MRRF: variants seen among roughly 807,000 people sequenced by gnomAD.
MRRF encodes the protein ribosome-recycling factor, mitochondrial.
A neutral mutation model predicts 25.1 loss-of-function variants in MRRF; 18 were observed. The observed-to-expected ratio is 0.72, with a 90% CI of 0.50 to 1.06. The LOEUF is 1.06. Among genes scored for constraint, MRRF ranks in the 50% least tolerant of loss-of-function variants. The pLI is 0.00. For missense variants in MRRF, 323 were observed against 319.3 expected (o/e 1.01, Z -0.09); for synonymous variants, 113 against 112.1 (o/e 1.01, Z -0.05).
rs1836209474 is a variant in MRRF at position 122,328,806 on chromosome 9, A to G, written c.*6189A>G. The stretch of plus-strand genomic sequence containing the variant: ...GACGAAGTTCAGTTTTTGTGGAATA[A>G]ACAAATAAGTGATTATCTCTGTCTG... On this transcript the variant is annotated 3_prime_UTR_variant, in exon 7 of 7. Transcript: ENST00000344641. 6.6e-6 allele frequency: 1 copy of G among 152,088 alleles called. No individual in the cohort carries two copies. Among genetic ancestry groups the G allele is most frequent in the Non-Finnish European group, 1.5e-5 (1 of 68,018 alleles). 9.4% of individuals were successfully genotyped at this position (152,088 alleles called of 1,614,324 possible). A position where few individuals can be genotyped will look rare whatever the true frequency, so the allele number is the denominator to read the frequency against.
intron 4 of MRRF, among the ~76,000 whole-genome samples, chr9:122,288,576 C>T (rs370720273): frequency 1.3e-5 from 2 of 152,208 alleles, no homozygotes; most frequent in African/African-American, 4.8e-5. Context: ...TGAGTCCTTG[C>T]AAGTGATTAG....
At chr9:122,286,745 A>G (rs1833434776) in intron 4 of MRRF, among the ~76,000 whole-genome samples, 1 of 152,172 alleles carries the variant, frequency 6.6e-6, no homozygotes, top group East Asian at 1.9e-4. Context: ...ATATATGTAT[A>G]AAAGATTTTG....
At chr9:122,303,954 G>A (rs1207834063) in intron 5 of MRRF, among the ~76,000 whole-genome samples, 1 of 151,840 alleles carries the variant, frequency 6.6e-6, no homozygotes, top group African/African-American at 2.4e-5. Context: ...TCTATAGTTT[G>A]TACATTCCAG....
At chr9:122,297,692 C>T (rs982094160) in intron 5 of MRRF, among the ~76,000 whole-genome samples, 7 of 152,176 alleles carry the variant, frequency 4.6e-5, no homozygotes, top group South Asian at 2.1e-4. Flanking sequence ...GCATGGGGAC[C>T]GTAATTGGGA....
rs1836182704 is a variant in MRRF, at chr9:122,327,887, G to T, written c.*5270G>T. 6.8e-6 allele frequency: 1 copy of T among 147,228 alleles called. No homozygotes were observed. Among genetic ancestry groups the T allele is most frequent in the African/African-American group, 2.5e-5 (1 of 40,144 alleles). The allele number at this position is 147,228 out of a possible 1,614,324, so 9.1% of individuals were successfully genotyped here. A position where few individuals can be genotyped will look rare whatever the true frequency, so the allele number is the denominator to read the frequency against. On this transcript the variant is annotated 3_prime_UTR_variant, in exon 7 of 7. Transcript: ENST00000344641. ...GGTGTTTCTTTTTTTTTTTGGAATT[G>T]GGTTTTGTTCGATGAACCATTCTGA... is the stretch of plus-strand genomic sequence containing the variant.
At chr9:122,286,306 C>A in intron 4 of MRRF, 1 of 829,532 alleles carries the variant, frequency 1.2e-6, no homozygotes, top group Non-Finnish European at 1.6e-6. Context: ...CACACTGTTT[C>A]AAATCAAAGG....
chr9:122,327,276 CAG>C lies in MRRF; in HGVS notation c.*4660_*4661del. 1 of 152,286 alleles carries C rather than the reference CAG, an allele frequency of 6.6e-6. No homozygotes were observed. Among genetic ancestry groups the C allele is most frequent in the South Asian group, 2.1e-4 (1 of 4,824 alleles). 9.4% of individuals were successfully genotyped at this position (152,286 alleles called of 1,614,324 possible). On this transcript the variant is annotated 3_prime_UTR_variant, in exon 7 of 7. Transcript: ENST00000344641. The stretch of plus-strand genomic sequence containing the variant: ...ATAATGATAATAATAACAACAATAA[CAG>C]TATTGACAGATCAGTAACTAATATT...
intron 5 of MRRF, among the ~76,000 whole-genome samples, chr9:122,296,242 G>A (rs547077728): frequency 6.6e-6 from 1 of 152,244 alleles, no homozygotes; most frequent in Admixed American, 6.5e-5. Context: ...GCTTTTGTTT[G>A]CTTCTCTGGC....
chr9:122,275,888 A>C (rs537256967), intron 2 of MRRF, among the ~76,000 whole-genome samples: 1 of 151,902 alleles, frequency 6.6e-6, no homozygotes, highest in Non-Finnish European at 1.5e-5. Context: ...ATTGTGCATA[A>C]TACTTTCTTC....
At chr9:122,304,076 C>CAA (rs1286348925) in intron 5 of MRRF, among the ~76,000 whole-genome samples, 5 of 151,696 alleles carry the variant, frequency 3.3e-5, no homozygotes, top group African/African-American at 1.2e-4. Context: ...CACACACACA[C>CAA]ACACACACAC....
At position 122,265,772 on chromosome 9, in the gene MRRF, A is replaced by G. The variant is rs1252645022; in HGVS notation, c.-29+834A>G. 3.9e-6 allele frequency: 5 copies of G among 1,288,530 alleles called. No homozygotes were observed. In the East Asian group the frequency reaches 2.8e-4, roughly 71 times the overall value. 79.8% of individuals were successfully genotyped at this position (1,288,530 alleles called of 1,614,324 possible). A position where few individuals can be genotyped will look rare whatever the true frequency, so the allele number is the denominator to read the frequency against. ...TGAATCTAAATGGCAGATGGCAGGG[A>G]GTGATAAGGTAGGCATACTGGAATC... On this transcript the variant is annotated intron_variant, in intron 1 of 6. Transcript: ENST00000344641.
Position 122,330,027 on chromosome 9 carries a change from C to T in MRRF, c.*7410C>T, listed in dbSNP as rs1836242413. ...TGCCCAGGACCTTCAACCTCATCTG[C>T]TAAGTCGGCCTCAGGCGTTTCTAGA... On this transcript the variant is annotated 3_prime_UTR_variant, in exon 7 of 7. Coordinates refer to ENST00000344641, the MANE Select transcript of MRRF (RefSeq NM_138777.5). The surrounding 1 kb of genome is among the most constrained non-coding windows in gnomAD (Gnocchi z 4.2). 6.6e-6 allele frequency: 1 copy of T among 152,314 alleles called. No individual in the cohort carries two copies. Among genetic ancestry groups the T allele is most frequent in the Non-Finnish European group, 1.5e-5 (1 of 68,108 alleles). 9.4% of individuals were successfully genotyped at this position (152,314 alleles called of 1,614,324 possible). A position where few individuals can be genotyped will look rare whatever the true frequency, so the allele number is the denominator to read the frequency against.
At chr9:122,300,234 G>C (rs1453879884) in intron 5 of MRRF, among the ~76,000 whole-genome samples, 2 of 152,320 alleles carry the variant, frequency 1.3e-5, no homozygotes, top group African/African-American at 4.8e-5. Context: ...AGTGGATGTG[G>C]CCTCAATGTG....
intron 4 of MRRF, among the ~76,000 whole-genome samples, chr9:122,291,524 C>T (rs1042902494): frequency 5.4e-4 from 82 of 151,992 alleles, no homozygotes; most frequent in African/African-American, 1.8e-3. Context: ...TTTATTTTTT[C>T]TTCTTTCTTT....
At chr9:122,305,247 C>T (rs1420563058) in intron 5 of MRRF, among the ~76,000 whole-genome samples, 1 of 151,868 alleles carries the variant, frequency 6.6e-6, no homozygotes, top group African/African-American at 2.4e-5. Context: ...CCCATCTCTA[C>T]TAAAAATACA....
chr9:122,286,782 T>A (rs1833438556), intron 4 of MRRF, among the ~76,000 whole-genome samples: 1 of 152,212 alleles, frequency 6.6e-6, no homozygotes, highest in African/African-American at 2.4e-5. Context: ...TGCTTTGCCT[T>A]TATTGGTGGC....
At chr9:122,281,095 C>T (rs1441540268) in intron 3 of MRRF, among the ~76,000 whole-genome samples, 3 of 152,124 alleles carry the variant, frequency 2.0e-5, no homozygotes, top group African/African-American at 7.2e-5. Context: ...GAATACAGAC[C>T]TGCCCACGTG....
intron 5 of MRRF, among the ~76,000 whole-genome samples, chr9:122,305,410 CAAAA>C (rs371802454): frequency 1.5e-5 from 1 of 65,750 alleles, no homozygotes. Flanking sequence ...AGACTCATCT[CAAAA>C]AAAAAAAAAA....
intron 4 of MRRF, among the ~76,000 whole-genome samples, 165 bp from the exon 5 acceptor site, chr9:122,291,584 C>T (rs934177082): frequency 3.9e-5 from 6 of 152,130 alleles, no homozygotes; most frequent in Admixed American, 3.9e-4. Context: ...GTTTGCTATT[C>T]AGCTTGATCA....
Sources: allele counts gnomAD v4.1 joint callset (sites outside exome capture counted in the v4.1 genomes callset), GRCh38; gene constraint gnomAD v4.1.1; non-coding constraint Gnocchi (gnomAD v3.1); transcripts MANE v1.5; gene names NCBI Gene and HGNC (gene_info 2026-07-23, HGNC 2026-07-21).